The following PRR14L variants were observed in gnomAD, a reference collection of about 807,000 sequenced individuals.
PRR14L encodes the protein protein PRR14L.
A neutral mutation model predicts 155.0 loss-of-function variants in PRR14L; 80 were observed. The ratio of observed to expected loss-of-function variants is 0.52; its 90% CI spans 0.43 to 0.62. The LOEUF is 0.62. Among genes scored for constraint, PRR14L ranks in the 20% least tolerant of loss-of-function variants. The probability of loss-of-function intolerance (pLI) is 0.00; values close to 1 mark genes in which losing one functional copy is unlikely to be tolerated. For missense variants in PRR14L, 2,469 were observed against 2,548.0 expected (o/e 0.97, Z 0.67); for synonymous variants, 883 against 916.0 (o/e 0.96, Z 0.65).
chr22:31,745,895 G>GT (rs1278088000), intron 1 of PRR14L, among the ~76,000 whole-genome samples: 1 of 148,852 alleles, frequency 6.7e-6, no homozygotes, highest in Non-Finnish European at 1.5e-5. Flanking sequence ...GTATCACAGT[G>GT]TTACCTTGGA....
chr22:31,743,206 G>A (rs1248783954), intron 1 of PRR14L, among the ~76,000 whole-genome samples: 1 of 152,076 alleles, frequency 6.6e-6, no homozygotes, highest in Non-Finnish European at 1.5e-5. Context: ...GGAGGCTGAG[G>A]CAGGAGAATC....
intron 4 of PRR14L, among the ~76,000 whole-genome samples, chr22:31,705,175 T>C (rs2074583546): frequency 6.6e-6 from 1 of 152,088 alleles, no homozygotes; most frequent in African/African-American, 2.4e-5. Context: ...GTGAGAAGAC[T>C]GCTTGAGCCC....
chr22:31,715,684 G>C lies in PRR14L; in HGVS notation c.2155C>G (p.Pro719Ala), dbSNP rs1302881542. The C allele has an allele frequency of 3.2e-6, 5 of 1,552,250 alleles. No homozygotes were observed. Among genetic ancestry groups the C allele is most frequent in the Non-Finnish European group, 4.4e-6 (5 of 1,147,078 alleles). The change falls in exon 4 of 9, where the codon CCA (proline) becomes GCA (alanine). Residue 719 changes from proline (P) to alanine (A), a missense_variant. Physicochemically the swap from Pro to Ala is conservative, Grantham distance 27. This residue lies in a region of PRR14L where 2,363 missense variants were observed against 2,371.6 expected (regional missense o/e 1.00). Transcript: ENST00000327423. ...GAGGCACCACAGGTTTGGTTACCTG[G>C]TGGAGAGATGTCTTTTATTTTTGTC... ...IQTKIKDISP[P>A]GNQTCGASSN...
At chr22:31,690,433 T>G (rs1413484597) in intron 7 of PRR14L, among the ~76,000 whole-genome samples, 1 of 150,890 alleles carries the variant, frequency 6.6e-6, no homozygotes, top group Non-Finnish European at 1.5e-5. Flanking sequence ...GATCCACCCA[T>G]CTCGGCCTCC....
At chr22:31,688,880 G>A (rs1247077930) in intron 7 of PRR14L, among the ~76,000 whole-genome samples, 2 of 146,018 alleles carry the variant, frequency 1.4e-5, no homozygotes, top group Non-Finnish European at 3.0e-5. Flanking sequence ...CAAAGACCCT[G>A]TCTCTTAAAA....
At position 31,713,237 on chromosome 22, in the gene PRR14L, T is replaced by C. The variant is rs1432029517; in HGVS notation, c.4602A>G (p.Gln1534=). 1 of 1,551,902 alleles carries C rather than the reference T, an allele frequency of 6.4e-7. No individual in the cohort carries two copies. Among genetic ancestry groups the C allele is most frequent in the African/African-American group, 1.4e-5 (1 of 73,036 alleles). Residue 1534 remains glutamine, a synonymous_variant, in exon 4 of 9, where the codon CAA becomes CAG. Transcript: ENST00000327423. ...TACCTATTTTTCTCCCAACAATGAT[T>C]TGCTCCTGATAGGAAACTTTCTTAC... The part of the protein sequence containing the change: ...RTCKKVSYQE[Q]IIVGRKIGKI...
intron 3 of PRR14L, among the ~76,000 whole-genome samples, chr22:31,722,231 A>C (rs1291945295): frequency 6.6e-6 from 1 of 151,524 alleles, no homozygotes; most frequent in African/African-American, 2.4e-5. Flanking sequence ...GGAGTTTGAG[A>C]CAAGTCTGGC....
At chr22:31,720,621 G>A (rs941394990) in intron 3 of PRR14L, among the ~76,000 whole-genome samples, 2 of 152,176 alleles carry the variant, frequency 1.3e-5, no homozygotes, top group African/African-American at 2.4e-5. Flanking sequence ...TGTAATCCCA[G>A]CTACTTGGGA....
chr22:31,734,019 C>A (rs1053712281), intron 2 of PRR14L, among the ~76,000 whole-genome samples: 14 of 152,138 alleles, frequency 9.2e-5, no homozygotes, highest in South Asian at 4.1e-4. Flanking sequence ...TGTCGCCAGG[C>A]TGGAGTGCAG....
At position 31,701,642 on chromosome 22, in the gene PRR14L, GAGA is replaced by G. The variant is rs770730153; in HGVS notation, c.6107+11_6107+13del. 4 of 1,564,116 alleles carry G rather than the reference GAGA, an allele frequency of 2.6e-6. No individual in the cohort carries two copies. The highest frequency in any genetic ancestry group is 2.6e-6 in the Non-Finnish European group (3 of 1,145,056). ...AAAAAAGTGAACCTAGCTTGTAACA[GAGA>G]AGGAGCTCACCTTTTGGGTCGAGGA... is the stretch of plus-strand genomic sequence containing the variant. On this transcript the variant is annotated intron_variant, in intron 7 of 8. Coordinates refer to ENST00000327423, the MANE Select transcript of PRR14L (RefSeq NM_173566.3).
chr22:31,741,291 G>A (rs1433277527), intron 1 of PRR14L, among the ~76,000 whole-genome samples: 5 of 137,534 alleles, frequency 3.6e-5, no homozygotes, highest in African/African-American at 8.4e-5. Context: ...GTGAAATCCA[G>A]TCTCCACTAA....
chr22:31,685,375 TA>T lies in PRR14L; in HGVS notation c.*151del. 1.6e-6 allele frequency: 1 copy of T among 643,826 alleles called. No homozygotes were observed. 39.9% of individuals were successfully genotyped at this position (643,826 alleles called of 1,614,324 possible). A position where few individuals can be genotyped will look rare whatever the true frequency, so the allele number is the denominator to read the frequency against. ...TAAAAAGGTTGCACCTTGAAATAGG[TA>T]AAAATTCATGGACTGTGCATTTTTG... On this transcript the variant is annotated 3_prime_UTR_variant, in exon 9 of 9. Coordinates refer to ENST00000327423, the MANE Select transcript of PRR14L (RefSeq NM_173566.3).
chr22:31,744,820 A>G (rs560581680), intron 1 of PRR14L, among the ~76,000 whole-genome samples: 4 of 152,338 alleles, frequency 2.6e-5, no homozygotes, highest in Admixed American at 1.3e-4. Flanking sequence ...CAGGTTTACT[A>G]AACAGATCTT....
intron 1 of PRR14L, among the ~76,000 whole-genome samples, chr22:31,741,206 TTG>T (rs2074811206): frequency 6.8e-6 from 1 of 146,388 alleles, no homozygotes; most frequent in African/African-American, 2.6e-5. Context: ...TGAGCCGAGA[TTG>T]CGCCACTGCA....
intron 8 of PRR14L, among the ~76,000 whole-genome samples, chr22:31,686,169 G>A (rs936626232): frequency 4.0e-5 from 6 of 149,426 alleles, no homozygotes; most frequent in Non-Finnish European, 5.9e-5. Flanking sequence ...TGTGATCTCC[G>A]CTCACTGCAA....
At chr22:31,694,909 C>T (rs2074528418) in intron 7 of PRR14L, among the ~76,000 whole-genome samples, 1 of 151,848 alleles carries the variant, frequency 6.6e-6, no homozygotes, top group Non-Finnish European at 1.5e-5. Context: ...ATGGTGAAAC[C>T]CTGTCTCTAC....
chr22:31,738,348 T>A (rs1482127718), intron 2 of PRR14L, 39 bp downstream of exon 2: 1 of 1,484,230 alleles, frequency 6.7e-7, no homozygotes, highest in South Asian at 1.2e-5. Flanking sequence ...AAGCTGTCAT[T>A]CACACTCAAC....
intron 2 of PRR14L, among the ~76,000 whole-genome samples, chr22:31,730,138 T>TA (rs534900377): frequency 0.01 from 1,176 of 113,450 alleles, 8 homozygotes; most frequent in African/African-American, 0.022. Context: ...AGACTCAGTC[T>TA]AAAAAAAAAA....
At position 31,713,946 on chromosome 22, in the gene PRR14L, T is replaced by C. The variant is rs757671346; in HGVS notation, c.3893A>G (p.Asp1298Gly). 11 of 1,551,848 alleles carry C rather than the reference T, an allele frequency of 7.1e-6. No homozygotes were observed. The South Asian group carries it at 1.3e-4, about 18-fold the overall frequency. The change falls in exon 4 of 9, where the codon GAC becomes GGC. Residue 1298 changes from aspartate (D) to glycine (G), a missense_variant. Physicochemically the swap from Asp to Gly is moderately conservative, Grantham distance 94. This residue lies in a region of PRR14L where 2,363 missense variants were observed against 2,371.6 expected (regional missense o/e 1.00). Transcript: ENST00000327423. ...SRDWSNSSDRDSVCTCVEKNA... is the reference protein window; with the variant it reads ...SRDWSNSSDRGSVCTCVEKNA... ...CTTTTCCACACAGGTACATACGCTGTCTCTGTCACTAGAATTACTCCAATC... is the reference window on the plus strand; with the variant it reads ...CTTTTCCACACAGGTACATACGCTGCCTCTGTCACTAGAATTACTCCAATC...
Sources: allele counts gnomAD v4.1 joint callset (sites outside exome capture counted in the v4.1 genomes callset), GRCh38; gene constraint gnomAD v4.1.1; regional missense constraint gnomAD v4.1.1; transcripts MANE v1.5; gene names NCBI Gene and HGNC (gene_info 2026-07-23, HGNC 2026-07-21).